The following TTC7A variants were observed in gnomAD, a reference collection of about 807,000 sequenced individuals.
TTC7A encodes the protein tetratricopeptide repeat protein 7A.
In TTC7A, 110 loss-of-function variants were observed where a neutral mutation model predicts 103.7. The ratio of observed to expected loss-of-function variants is 1.06; its 90% CI spans 0.91 to 1.24. The LOEUF is 1.24. TTC7A is among the 50% of genes most tolerant of loss of function. The pLI, the probability that TTC7A is intolerant of heterozygous loss-of-function variation, is 0.00. For synonymous variants in TTC7A, 521 were observed against 467.9 expected (o/e 1.11, Z -1.47); for missense variants, 1,340 against 1,116.3 (o/e 1.20, Z -2.86).
At chr2:47,066,221 C>G (rs1389077507) in intron 19 of TTC7A, 2 of 152,228 alleles carry the variant, frequency 1.3e-5, no homozygotes, top group Non-Finnish European at 2.9e-5. Context: ...TATTGGTTCC[C>G]TCTTGCTGCC....
chr2:47,068,987 C>T (rs923499669), intron 19 of TTC7A, among the ~76,000 whole-genome samples: 1 of 151,986 alleles, frequency 6.6e-6, no homozygotes, highest in African/African-American at 2.4e-5. Flanking sequence ...TTTGGCTGTA[C>T]CTCCTGCCCA....
intron 3 of TTC7A, 177 bp from the exon 4 acceptor site, chr2:46,974,796 C>T: frequency 1.2e-6 from 1 of 807,860 alleles, no homozygotes; most frequent in Non-Finnish European, 2.0e-6. Context: ...TTACTCCCAG[C>T]CACTGCTAAC....
chr2:47,015,293 G>A (rs1451032728), intron 11 of TTC7A, among the ~76,000 whole-genome samples: 3 of 152,216 alleles, frequency 2.0e-5, no homozygotes, highest in Non-Finnish European at 4.4e-5. Flanking sequence ...AACTTAAAAA[G>A]TTGAAACCTT....
chr2:47,057,251 A>G (rs1683397274), intron 18 of TTC7A, among the ~76,000 whole-genome samples: 2 of 152,202 alleles, frequency 1.3e-5, no homozygotes, highest in South Asian at 4.1e-4. Context: ...ACTGTCTGCC[A>G]GGCTGCCAGA....
At chr2:46,989,637 G>C (rs1250433072) in intron 5 of TTC7A, among the ~76,000 whole-genome samples, 1 of 144,318 alleles carries the variant, frequency 6.9e-6, no homozygotes, top group Admixed American at 6.9e-5. Flanking sequence ...TTTTTTTCTT[G>C]AAGGACATTC....
intron 2 of TTC7A, among the ~76,000 whole-genome samples, chr2:46,925,839 T>G (rs1190398256): frequency 6.6e-6 from 1 of 152,212 alleles, no homozygotes; most frequent in Non-Finnish European, 1.5e-5. Flanking sequence ...AACCCATACT[T>G]CCTATGTGTT....
At chr2:46,997,565 A>G (rs1030178670) in intron 8 of TTC7A, among the ~76,000 whole-genome samples, 8 of 152,180 alleles carry the variant, frequency 5.3e-5, no homozygotes, top group Admixed American at 4.6e-4. Context: ...GGTCAAGGTC[A>G]TATACTAATA....
chr2:46,921,067 G>C (rs1669078811), intron 2 of TTC7A, among the ~76,000 whole-genome samples: 1 of 151,800 alleles, frequency 6.6e-6, no homozygotes, highest in Non-Finnish European at 1.5e-5. Flanking sequence ...AATATTCTTA[G>C]AGTGAAAGAC....
At chr2:46,966,478 C>T (rs1051572828) in intron 3 of TTC7A, among the ~76,000 whole-genome samples, 1 of 152,118 alleles carries the variant, frequency 6.6e-6, no homozygotes, top group African/African-American at 2.4e-5. Context: ...AAAAGTATTT[C>T]ATGAGTCATT....
intron 3 of TTC7A, among the ~76,000 whole-genome samples, chr2:46,966,660 CT>C (rs759580571): frequency 2.3e-3 from 312 of 135,248 alleles, no homozygotes; most frequent in Admixed American, 3.1e-3. Context: ...GTATACATCA[CT>C]TTTTTTTTTT....
intron 3 of TTC7A, among the ~76,000 whole-genome samples, chr2:46,964,749 C>T (rs1230242331): frequency 2.0e-5 from 3 of 152,190 alleles, no homozygotes; most frequent in African/African-American, 7.2e-5. Flanking sequence ...CCCGTTCAGC[C>T]TCCCCAAGCT....
At chr2:46,940,815 C>T (rs957970641), upstream of TTC7A, among the ~76,000 whole-genome samples, 2 of 152,140 alleles carry the variant, frequency 1.3e-5, no homozygotes, top group Non-Finnish European at 1.5e-5. This position sits in a 1 kb window ranked among gnomAD's most constrained non-coding sequence, Gnocchi z 4.7. Context: ...GGCAGGCCAG[C>T]TCCCGGGAGG....
At chr2:46,984,744 C>G (rs1339067278) in intron 5 of TTC7A, among the ~76,000 whole-genome samples, 1 of 152,188 alleles carries the variant, frequency 6.6e-6, no homozygotes, top group Non-Finnish European at 1.5e-5. Context: ...GGCCAGGTGA[C>G]CCCATTCACT....
intron 3 of TTC7A, among the ~76,000 whole-genome samples, chr2:46,967,286 C>A (rs1364672734): frequency 3.3e-5 from 5 of 152,182 alleles, no homozygotes; most frequent in Non-Finnish European, 7.3e-5. Context: ...CAGTTCGGTA[C>A]TAAGACACTG....
intron 2 of TTC7A, among the ~76,000 whole-genome samples, chr2:46,929,840 A>G (rs1265590090): frequency 6.6e-6 from 1 of 152,242 alleles, no homozygotes; most frequent in African/African-American, 2.4e-5. Context: ...TATGTACAGA[A>G]GTGTTATGTG....
chr2:46,987,993 T>C (rs951600814), intron 5 of TTC7A, among the ~76,000 whole-genome samples: 4 of 152,180 alleles, frequency 2.6e-5, no homozygotes, highest in African/African-American at 9.7e-5. Context: ...TCTGCAGGGC[T>C]AGGGGAGGAC....
Position 46,941,747 on chromosome 2 carries a change from C to G in TTC7A, c.184+22C>G. 1 of 1,547,668 alleles carries G rather than the reference C, an allele frequency of 6.5e-7. No homozygotes were observed. The highest frequency in any genetic ancestry group is 8.7e-7 in the Non-Finnish European group (1 of 1,145,954). ...ACCGGTGAGTAAGGGAAGAGGCTGG[C>G]TCGCCGGCAGCGAGCGCGCGAAACG... is the stretch of plus-strand genomic sequence containing the variant. On this transcript the variant is annotated intron_variant, in intron 1 of 19. Transcript: ENST00000319190. This position sits in a 1 kb window ranked among gnomAD's most constrained non-coding sequence, Gnocchi z 4.2.
chr2:46,974,515 C>G lies in TTC7A; in HGVS notation c.518-458C>G, dbSNP rs1388024723. ...TGGGAAAGTTCTGGATCTGGAGCTTCTAAGTCAGCACATGGATAAGCTTGC... is the reference window on the plus strand; with the variant it reads ...TGGGAAAGTTCTGGATCTGGAGCTTGTAAGTCAGCACATGGATAAGCTTGC... On this transcript the variant is annotated intron_variant, in intron 3 of 19. Coordinates refer to ENST00000319190, the MANE Select transcript of TTC7A (RefSeq NM_020458.4). 4.0e-5 allele frequency: 15 copies of G among 373,946 alleles called. No homozygotes were observed. The East Asian group carries it at 1.0e-3, about 25-fold the overall frequency. 23.2% of individuals were successfully genotyped at this position (373,946 alleles called of 1,614,324 possible).
intron 19 of TTC7A, among the ~76,000 whole-genome samples, chr2:47,072,416 T>C (rs1390103689): frequency 6.6e-6 from 1 of 152,230 alleles, no homozygotes; most frequent in Non-Finnish European, 1.5e-5. Context: ...TCCTAGGGCT[T>C]CCTGAGCGCC....
Sources: gnomAD v4.1 joint callset for allele counts (sites outside exome capture counted in the v4.1 genomes callset) on GRCh38, gnomAD v4.1.1 for gene constraint, Gnocchi (gnomAD v3.1) non-coding constraint, MANE v1.5 for transcripts, NCBI Gene and HGNC (gene_info 2026-07-23, HGNC 2026-07-21) for gene names.